The following PSG8 variants were observed in gnomAD, a reference collection of about 807,000 sequenced individuals.
PSG8 encodes pregnancy specific beta-1-glycoprotein 8, also known as pregnancy-specific beta-1-glycoprotein 8.
Under a neutral mutation model 42.5 loss-of-function variants are expected in PSG8, and 57 were observed. The observed-to-expected ratio is 1.34, with a 90% confidence interval of 1.08 to 1.67. The LOEUF (loss-of-function observed/expected upper bound fraction) is 1.67. PSG8 is among the 40% of genes most tolerant of loss of function. The pLI is 0.00. For missense variants in PSG8, 783 were observed against 518.6 expected (o/e 1.51, Z -4.95); for synonymous variants, 280 against 196.8 (o/e 1.42, Z -3.54).
intron 1 of PSG8, among the ~76,000 whole-genome samples, chr19:42,764,992 TGTG>T (rs1211231140): frequency 6.6e-6 from 1 of 152,100 alleles, no homozygotes; most frequent in Non-Finnish European, 1.5e-5. Context: ...TATTTCAAAA[TGTG>T]GTGGCCCCTG....
chr19:42,763,136 A>T (rs538045549), intron 2 of PSG8, among the ~76,000 whole-genome samples: 11 of 152,182 alleles, frequency 7.2e-5, no homozygotes, highest in Non-Finnish European at 1.6e-4. Flanking sequence ...AATAGCATTT[A>T]TTATTAATTT....
chr19:42,752,749 T>C (rs1337749529), downstream of PSG8: 10 of 171,782 alleles, frequency 5.8e-5, no homozygotes, highest in Non-Finnish European at 1.1e-4. Context: ...CATTTTACAA[T>C]GTATCTCTTA....
At chr19:42,764,887 TC>T (rs757828016) in intron 1 of PSG8, among the ~76,000 whole-genome samples, 10 of 151,880 alleles carry the variant, frequency 6.6e-5, no homozygotes, top group African/African-American at 1.4e-4. Flanking sequence ...TGTTTTTTTT[TC>T]CCCCCAATTG....
intron 2 of PSG8, among the ~76,000 whole-genome samples, chr19:42,761,107 G>A (rs1438882387): frequency 1.3e-5 from 2 of 152,244 alleles, no homozygotes; most frequent in Admixed American, 1.3e-4. Flanking sequence ...TGACACCCTG[G>A]TGAGTCCGTG....
At chr19:42,759,786 C>T (rs1443708849) in intron 2 of PSG8, among the ~76,000 whole-genome samples, 2 of 152,112 alleles carry the variant, frequency 1.3e-5, no homozygotes, top group African/African-American at 2.4e-5. Flanking sequence ...TACTGATGGT[C>T]CAAACATCTA....
downstream of PSG8, chr19:42,752,798 G>C (rs1231841504): frequency 5.6e-6 from 1 of 180,136 alleles, no homozygotes; most frequent in Non-Finnish European, 1.2e-5. Flanking sequence ...TGCATTTAAA[G>C]GGGACTCTAT....
chr19:42,763,478 C>G (rs1970127932), intron 2 of PSG8, among the ~76,000 whole-genome samples: 1 of 152,158 alleles, frequency 6.6e-6, no homozygotes. Flanking sequence ...AGCCCCAGCA[C>G]AGGCTCCTCA....
At chr19:42,762,685 T>C (rs1970107946) in intron 2 of PSG8, among the ~76,000 whole-genome samples, 2 of 152,058 alleles carry the variant, frequency 1.3e-5, no homozygotes, top group African/African-American at 4.8e-5. Flanking sequence ...GATTTCAGGT[T>C]CAGTGATGGG....
At chr19:42,757,680 A>G (rs185321041) in intron 3 of PSG8, among the ~76,000 whole-genome samples, 2 of 152,236 alleles carry the variant, frequency 1.3e-5, no homozygotes, top group African/African-American at 4.8e-5. Flanking sequence ...AATCACAGTG[A>G]CCCTGTGAGC....
At position 42,758,129 on chromosome 19, in the gene PSG8, C is replaced by T; in HGVS notation, c.582G>A (p.Gln194=). ...GQSLPMSHRL[Q]LSETNRTLFL... ...AGAGGGTCCTGTTGGTTTCAGACAA[C>T]TGCAACCTGTGAGACATAGGGAGGC... Residue 194 remains glutamine, a synonymous_variant, in exon 3 of 5, where the codon CAG becomes CAA. Coordinates refer to ENST00000306511, the MANE Select transcript of PSG8 (RefSeq NM_182707.3). 2 of 1,613,992 alleles carry T rather than the reference C, an allele frequency of 1.2e-6. No individual in the cohort carries two copies. Among genetic ancestry groups the T allele is most frequent in the Non-Finnish European group, 1.7e-6 (2 of 1,179,962 alleles).
Position 42,758,037 on chromosome 19 carries a change from G to T in PSG8, c.674C>A (p.Ala225Asp). 6.2e-7 allele frequency: 1 copy of T among 1,614,052 alleles called. No individual in the cohort carries two copies. The highest frequency in any genetic ancestry group is 8.5e-7 in the Non-Finnish European group (1 of 1,179,964). ...YECEIRNPVS[A>D]SRSDPFTLNL... ...CAGGGTGAATGGGTCACTGCGGCTG[G>T]CACTCACTGGGTTCCGTATTTCACA... is the stretch of plus-strand genomic sequence containing the variant. The change falls in exon 3 of 5, where the codon GCC (alanine) becomes GAC (aspartate). Residue 225 changes from alanine to aspartate, a missense_variant. Physicochemically the swap from Ala to Asp is moderately radical, Grantham distance 126 (BLOSUM62 -2). Coordinates refer to ENST00000306511, the MANE Select transcript of PSG8 (RefSeq NM_182707.3).
At chr19:42,759,021 C>G (rs1380954730) in intron 2 of PSG8, 1 of 152,454 alleles carries the variant, frequency 6.6e-6, no homozygotes, top group Middle Eastern at 3.2e-3. Flanking sequence ...CCATGATGCT[C>G]CCTTCCCCCT....
chr19:42,763,474 A>G (rs1203473702), intron 2 of PSG8, among the ~76,000 whole-genome samples: 1 of 152,174 alleles, frequency 6.6e-6, no homozygotes, highest in Non-Finnish European at 1.5e-5. Flanking sequence ...ACCCAGCCCC[A>G]GCACAGGCTC....
In PSG8 at chr19:42,755,213, T is replaced by A. The variant is rs1159808386; in HGVS notation, c.763A>T (p.Lys255Ter). 6.2e-7 allele frequency: 1 copy of A among 1,611,920 alleles called. No individual in the cohort carries two copies. Among genetic ancestry groups the A allele is most frequent in the Non-Finnish European group, 8.5e-7 (1 of 1,179,804 alleles). ...TINNLKPREN[K>*]DVLNFTCEPK... ...TCACAGGTGAAGTTTAAGACATCCT[T>A]ATTCTCCCTGGGTTTTAAGTTGTTG... The change falls in exon 4 of 5, where the codon AAG (lysine) becomes TAG (stop). Residue 255 changes from lysine to a stop codon, truncating the protein, a stop_gained. Transcript: ENST00000306511. LOFTEE classifies it high-confidence loss of function.
At chr19:42,761,729 G>C (rs1352199262) in intron 2 of PSG8, among the ~76,000 whole-genome samples, 1 of 151,840 alleles carries the variant, frequency 6.6e-6, no homozygotes, top group African/African-American at 2.4e-5. Context: ...CACTGGGGAG[G>C]CTGATTTGAG....
chr19:42,764,284 A>G lies in PSG8; in HGVS notation c.65-3T>C, dbSNP rs373975325. On this transcript the variant is annotated splice_polypyrimidine_tract_variant and splice_region_variant and intron_variant, in intron 1 of 4. Coordinates refer to ENST00000306511, the MANE Select transcript of PSG8 (RefSeq NM_182707.3). ...GTTCCAGAAGTTTAAAAGTGATGCT[A>G]GGAGGTGGAGAGAGCATCAGTCAAT... is the stretch of plus-strand genomic sequence containing the variant. 1.2e-4 allele frequency: 189 copies of G among 1,611,308 alleles called. 1 individual carries two copies. Among genetic ancestry groups the G allele is most frequent in the Non-Finnish European group, 1.5e-4 (179 of 1,178,666 alleles).
chr19:42,758,651 G>A, intron 2 of PSG8: 1 of 252,014 alleles, frequency 4.0e-6, no homozygotes, highest in East Asian at 8.3e-5. Context: ...CTTAGTTTCA[G>A]TCTTACTTTG....
chr19:42,763,351 G>T (rs919629703), intron 2 of PSG8, among the ~76,000 whole-genome samples: 1 of 152,196 alleles, frequency 6.6e-6, no homozygotes, highest in Middle Eastern at 3.4e-3. Context: ...CTCTGTCCTT[G>T]CCCAGATGAG....
intron 2 of PSG8, chr19:42,758,539 C>T (rs1217245453): frequency 1.4e-6 from 1 of 725,490 alleles, no homozygotes; most frequent in Non-Finnish European, 2.1e-6. Context: ...GACACAGGAC[C>T]AGCAGTCACA....
Sources: allele counts gnomAD v4.1 joint callset (sites outside exome capture counted in the v4.1 genomes callset), GRCh38; gene constraint gnomAD v4.1.1; transcripts MANE v1.5; gene names NCBI Gene and HGNC (gene_info 2026-07-23, HGNC 2026-07-21).